PDHX: variants seen among roughly 807,000 people sequenced by gnomAD.
The protein encoded by PDHX is pyruvate dehydrogenase complex component X.
Under a neutral mutation model 55.3 loss-of-function variants are expected in PDHX, and 33 were observed. That is an observed-to-expected ratio of 0.60 (90% confidence interval 0.45 to 0.80). The LOEUF is 0.80. Ranked by LOEUF, PDHX falls within the 30% of genes least tolerant of loss-of-function variation. PDHX has a pLI of 0.00. For synonymous variants in PDHX, 226 were observed against 219.4 expected, an observed-to-expected ratio of 1.03 and a Z score of -0.27; for missense variants, 622 against 619.9, an observed-to-expected ratio of 1.00 and a Z score of -0.04.
chr11:34,970,158 C>T lies in PDHX; in HGVS notation c.836C>T (p.Pro279Leu). ...TTGCAGGGCACATTCACTGAAATCC[C>T]CGCCAGCAATATTCGAAGAGTTATT... ...PNAVGTFTEIPASNIRRVIAK... is the reference protein window; with the variant it reads ...PNAVGTFTEILASNIRRVIAK... Residue 279 changes from proline (P) to leucine (L), a missense_variant, in exon 7 of 11, where the codon CCC (proline) becomes CTC (leucine). Physicochemically the swap from Pro to Leu is moderately conservative, Grantham distance 98 (BLOSUM62 -3). Coordinates refer to ENST00000227868, the MANE Select transcript of PDHX (RefSeq NM_003477.3). 6.2e-7 allele frequency: 1 copy of T among 1,613,642 alleles called. No homozygotes were observed. Among genetic ancestry groups the T allele is most frequent in the Non-Finnish European group, 8.5e-7 (1 of 1,179,672 alleles).
At chr11:34,929,198 T>C (rs3794163) in intron 1 of PDHX, among the ~76,000 whole-genome samples, 28,806 of 152,184 alleles carry the variant, frequency 0.19, 3,900 homozygotes, top group African/African-American at 0.39. Flanking sequence ...TGTTCTCTTA[T>C]GCATTTGAAA....
At chr11:34,922,705 C>T (rs535304281) in intron 1 of PDHX, among the ~76,000 whole-genome samples, 6 of 152,218 alleles carry the variant, frequency 3.9e-5, no homozygotes, top group South Asian at 2.1e-4. Context: ...TTCTTGACTA[C>T]GTGTAAGGGT....
Position 34,978,182 on chromosome 11 carries a change from A to G in PDHX, c.1023A>G (p.Lys341=). 2 of 1,527,534 alleles carry G rather than the reference A, an allele frequency of 1.3e-6. No homozygotes were observed. The highest frequency in any genetic ancestry group is 1.8e-6 in the Non-Finnish European group (2 of 1,100,814). 94.6% of individuals were successfully genotyped at this position (1,527,534 alleles called of 1,614,324 possible). The stretch of plus-strand genomic sequence containing the variant: ...TCAAGGCAGCAGCTGTTACCCTTAA[A>G]GTAAGTAGCAGACTTCAAATGATTT... The part of the protein sequence containing the change: ...FIIKAAAVTL[K]QMPDVNVSWD... Residue 341 remains lysine, a splice_region_variant and synonymous_variant, in exon 8 of 11, where the codon AAA becomes AAG. Transcript: ENST00000227868.
intron 3 of PDHX, among the ~76,000 whole-genome samples, chr11:34,956,885 T>C (rs1210849212): frequency 3.9e-5 from 6 of 152,350 alleles, no homozygotes; most frequent in South Asian, 4.1e-4. Flanking sequence ...CATTAGAATG[T>C]TCATCTTTTC....
chr11:34,967,373 A>C (rs1855160749), intron 6 of PDHX, among the ~76,000 whole-genome samples: 1 of 152,206 alleles, frequency 6.6e-6, no homozygotes, highest in South Asian at 2.1e-4. Flanking sequence ...CTATAATTCA[A>C]TTTAAAGTTA....
At chr11:34,921,060 T>C (rs185429671) in intron 1 of PDHX, among the ~76,000 whole-genome samples, 120 of 152,308 alleles carry the variant, frequency 7.9e-4, no homozygotes, top group African/African-American at 2.7e-3. Flanking sequence ...TCTTATTAAG[T>C]GCTTATACAC....
At chr11:34,957,352 C>A in intron 3 of PDHX, 32 bp from the exon 4 acceptor site, 1 of 1,414,942 alleles carries the variant, frequency 7.1e-7, no homozygotes, top group Non-Finnish European at 1.0e-6. Context: ...TGGGGTTTTA[C>A]TTCTCTACAG....
At chr11:34,943,585 TATGTAAG>T (rs1234284095) in intron 2 of PDHX, among the ~76,000 whole-genome samples, 2 of 152,172 alleles carry the variant, frequency 1.3e-5, no homozygotes, top group African/African-American at 4.8e-5. Context: ...TTTAAAGAAG[TATGTAAG>T]ATGATATAAT....
chr11:34,947,945 G>A (rs1351686336), intron 3 of PDHX, among the ~76,000 whole-genome samples: 1 of 152,200 alleles, frequency 6.6e-6, no homozygotes, highest in Non-Finnish European at 1.5e-5. Flanking sequence ...CAACCAGCGT[G>A]TTTGTTTCTT....
intron 3 of PDHX, among the ~76,000 whole-genome samples, chr11:34,948,297 C>T (rs1173809041): frequency 6.6e-6 from 1 of 152,104 alleles, no homozygotes; most frequent in Non-Finnish European, 1.5e-5. Flanking sequence ...GTATGTTTGC[C>T]TAATAATTTG....
intron 1 of PDHX, among the ~76,000 whole-genome samples, chr11:34,922,056 C>T (rs1161056985): frequency 6.6e-6 from 1 of 152,164 alleles, no homozygotes; most frequent in African/African-American, 2.4e-5. Flanking sequence ...GAAGAGAGGA[C>T]CTTTCTTCTT....
intron 8 of PDHX, among the ~76,000 whole-genome samples, chr11:34,983,382 C>T (rs931190365): frequency 6.6e-6 from 1 of 152,224 alleles, no homozygotes; most frequent in Non-Finnish European, 1.5e-5. Context: ...GATGCTCTCT[C>T]TCACCACTCC....
intron 10 of PDHX, among the ~76,000 whole-genome samples, chr11:34,993,841 CCT>C (rs1157595533): frequency 1.3e-5 from 2 of 152,114 alleles, no homozygotes; most frequent in African/African-American, 4.8e-5. Context: ...GAATTGACAT[CCT>C]TACAGTATTG....
At chr11:34,929,182 A>G (rs1854096643) in intron 1 of PDHX, among the ~76,000 whole-genome samples, 2 of 152,136 alleles carry the variant, frequency 1.3e-5, no homozygotes, top group African/African-American at 4.8e-5. Context: ...GCACTTAGAG[A>G]TAACCTGTTC....
At position 34,945,023 on chromosome 11, in the gene PDHX, C is replaced by G. The variant is rs1854589280; in HGVS notation, c.242-2483C>G. 2.0e-5 allele frequency among the ~76,000 whole-genome samples: 3 copies of G among 151,946 alleles called. No individual in the cohort carries two copies. The South Asian group carries it at 6.2e-4, about 31-fold the overall frequency. ...AACTTCTTATTTTTCCTCTGTTTTT[C>G]TAATGCTGTAGATTATATTTCTGTT... On this transcript the variant is annotated intron_variant, in intron 2 of 10. Transcript: ENST00000227868.
At chr11:34,972,591 G>A (rs1855281098) in intron 7 of PDHX, among the ~76,000 whole-genome samples, 1 of 151,878 alleles carries the variant, frequency 6.6e-6, no homozygotes, top group Non-Finnish European at 1.5e-5. Context: ...TAGAGACGGT[G>A]TTTTAGCATG....
At chr11:34,925,642 T>C (rs12286412) in intron 1 of PDHX, among the ~76,000 whole-genome samples, 2,847 of 152,306 alleles carry the variant, frequency 0.019, 86 homozygotes, top group African/African-American at 0.066. Context: ...TATAGTAATA[T>C]CACTAGCTAG....
intron 5 of PDHX, 88 bp from the exon 6 acceptor site, chr11:34,966,551 CT>C (rs919791663): frequency 1.7e-6 from 2 of 1,211,584 alleles, no homozygotes; most frequent in African/African-American, 3.0e-5. Context: ...ATTTCTGTAT[CT>C]TTTCTCCACA....
At chr11:34,986,174 A>T (rs1855637928) in intron 9 of PDHX, among the ~76,000 whole-genome samples, 1 of 152,082 alleles carries the variant, frequency 6.6e-6, no homozygotes, top group African/African-American at 2.4e-5. Flanking sequence ...GCATGGTGGC[A>T]CACACCTATT....
Sources: allele counts gnomAD v4.1 joint callset (sites outside exome capture counted in the v4.1 genomes callset), GRCh38; gene constraint gnomAD v4.1.1; transcripts MANE v1.5; gene names NCBI Gene and HGNC (gene_info 2026-07-23, HGNC 2026-07-21).